Variants in CNTNAP2 observed in about 807,000 individuals in gnomAD.
CNTNAP2 encodes contactin associated protein 2.
CNTNAP2 carries 98 observed loss-of-function variants against 155.2 expected under a neutral mutation model. The observed-to-expected ratio is 0.63, with a 90% CI of 0.54 to 0.75. The LOEUF (loss-of-function observed/expected upper bound fraction) is 0.75. Ranked by LOEUF, CNTNAP2 falls within the 30% of genes least tolerant of loss-of-function variation. CNTNAP2 has a pLI of 0.00. For synonymous variants in CNTNAP2, 651 were observed against 631.2 expected (o/e 1.03, Z -0.47); for missense variants, 1,727 against 1,688.1 (o/e 1.02, Z -0.40).
intron 9 of CNTNAP2, among the ~76,000 whole-genome samples, chr7:147,354,544 T>C (rs1453891339): frequency 6.6e-6 from 1 of 152,164 alleles, no homozygotes; most frequent in Non-Finnish European, 1.5e-5. Flanking sequence ...TGTAGCCTTG[T>C]AGTGTAGTTT....
Position 148,224,416 on chromosome 7 carries a change from G to A in CNTNAP2, c.3248-5230G>A, listed in dbSNP as rs372538975. On this transcript the variant is annotated intron_variant, in intron 19 of 23. Transcript: ENST00000361727. ...AAAGGCCCTGAGGTAGGAGGAGATC[G>A]TATTTTCTAGGGAATAAGAGAAGTT... Among the ~76,000 whole-genome samples, 23 of 152,264 alleles carry A rather than the reference G, an allele frequency of 1.5e-4. No homozygotes were observed. The South Asian group carries it at 3.7e-3, about 25-fold the overall frequency.
intron 1 of CNTNAP2, among the ~76,000 whole-genome samples, chr7:146,178,572 C>T (rs1038076272): frequency 4.5e-4 from 68 of 152,226 alleles, no homozygotes; most frequent in African/African-American, 1.3e-3. Context: ...TAGTGACCTA[C>T]GCATCCTCCA....
intron 13 of CNTNAP2, among the ~76,000 whole-genome samples, chr7:147,872,982 G>A (rs977726359): frequency 6.6e-6 from 1 of 152,208 alleles, no homozygotes; most frequent in Non-Finnish European, 1.5e-5. Flanking sequence ...GCTGATCAAA[G>A]CCTAAATATG....
intron 14 of CNTNAP2, chr7:147,940,416 A>G (rs1339809482): frequency 6.6e-6 from 1 of 152,080 alleles, no homozygotes; most frequent in Non-Finnish European, 1.5e-5. Flanking sequence ...AAGCAGAGTA[A>G]AACTTACAGA....
chr7:146,753,492 G>C (rs546256484), intron 1 of CNTNAP2, among the ~76,000 whole-genome samples: 1 of 152,030 alleles, frequency 6.6e-6, no homozygotes, highest in South Asian at 2.1e-4. Context: ...ATATTAACAT[G>C]TGAGTCAATA....
chr7:147,587,543 C>A (rs1312442922), intron 12 of CNTNAP2, among the ~76,000 whole-genome samples: 1 of 152,084 alleles, frequency 6.6e-6, no homozygotes, highest in Non-Finnish European at 1.5e-5. Context: ...TAAAAATTAC[C>A]TAAACTCAAT....
chr7:146,496,783 AATGAG>A lies in CNTNAP2; in HGVS notation c.98-277487_98-277483del, dbSNP rs1797221698. ...AGATGATATTTGAGAATAACAGCCAAATGAGCATATTAGCCATTCAGGTATAACAA... is the reference window on the plus strand; with the variant it reads ...AGATGATATTTGAGAATAACAGCCAACATATTAGCCATTCAGGTATAACAA... On this transcript the variant is annotated intron_variant, in intron 1 of 23. Transcript: ENST00000361727. Among the ~76,000 whole-genome samples, 6 of 152,340 alleles carry A rather than the reference AATGAG, an allele frequency of 3.9e-5. No individual in the cohort carries two copies. In the South Asian group the frequency reaches 1.2e-3, roughly 32 times the overall value.
At chr7:146,541,067 A>AT (rs1302884245) in intron 1 of CNTNAP2, among the ~76,000 whole-genome samples, 1 of 151,798 alleles carries the variant, frequency 6.6e-6, no homozygotes, top group Non-Finnish European at 1.5e-5. Flanking sequence ...TTTTAGTCTC[A>AT]TTTTTTCAGA....
intron 1 of CNTNAP2, among the ~76,000 whole-genome samples, chr7:146,613,205 T>G (rs1799168856): frequency 6.6e-6 from 1 of 152,188 alleles, no homozygotes; most frequent in Non-Finnish European, 1.5e-5. Context: ...TGTCTGTAAT[T>G]TCTAGAGTCA....
intron 12 of CNTNAP2, among the ~76,000 whole-genome samples, chr7:147,585,415 TTATA>T (rs897864633): frequency 2.1e-4 from 32 of 149,520 alleles, no homozygotes; most frequent in African/African-American, 7.3e-4. Flanking sequence ...TGATATAAAA[TTATA>T]TATAAATATA....
chr7:148,116,172 C>T (rs1804466627), intron 15 of CNTNAP2, among the ~76,000 whole-genome samples: 1 of 151,634 alleles, frequency 6.6e-6, no homozygotes, highest in African/African-American at 2.4e-5. Context: ...TAAGACTGCA[C>T]TAAGATTAGG....
chr7:146,282,055 G>GA (rs1279121496), intron 1 of CNTNAP2, among the ~76,000 whole-genome samples: 3 of 152,078 alleles, frequency 2.0e-5, no homozygotes, highest in African/African-American at 7.2e-5. Context: ...AGAGGAGAAA[G>GA]AAAAAGTTTA....
At chr7:148,204,463 C>T (rs887583405) in intron 18 of CNTNAP2, among the ~76,000 whole-genome samples, 33 of 152,284 alleles carry the variant, frequency 2.2e-4, no homozygotes, top group African/African-American at 7.7e-4. Flanking sequence ...AATTTCAGAA[C>T]ACATATGGGA....
intron 8 of CNTNAP2, among the ~76,000 whole-genome samples, chr7:147,199,847 T>A (rs1006022750): frequency 5.4e-5 from 8 of 148,320 alleles, no homozygotes; most frequent in African/African-American, 9.9e-5. Context: ...AAAAAAAAAA[T>A]TTTGTTTCAT....
chr7:147,944,040 C>T (rs1171200625), intron 14 of CNTNAP2, among the ~76,000 whole-genome samples: 1 of 152,038 alleles, frequency 6.6e-6, no homozygotes, highest in Non-Finnish European at 1.5e-5. Context: ...TGAAATGATG[C>T]CATCCTCAAT....
chr7:146,954,424 C>G lies in CNTNAP2; in HGVS notation c.403-89483C>G, dbSNP rs192779225. On this transcript the variant is annotated intron_variant, in intron 3 of 23. Transcript: ENST00000361727. The stretch of plus-strand genomic sequence containing the variant: ...AAGTCTGTGCATATGTTTCAGTTCA[C>G]TGAAGGAAGCAATGAACTATAATGT... 2.3e-4 allele frequency among the ~76,000 whole-genome samples: 35 copies of G among 151,918 alleles called. No homozygotes were observed. The East Asian group carries it at 5.6e-3, about 24-fold the overall frequency.
chr7:147,774,852 T>A (rs1797533121), intron 13 of CNTNAP2, among the ~76,000 whole-genome samples: 1 of 152,122 alleles, frequency 6.6e-6, no homozygotes, highest in Admixed American at 6.6e-5. Context: ...TAATCTAACC[T>A]AAGTCTCTTA....
At chr7:146,577,173 C>T (rs1259881821) in intron 1 of CNTNAP2, among the ~76,000 whole-genome samples, 1 of 151,878 alleles carries the variant, frequency 6.6e-6, no homozygotes. Flanking sequence ...AATGCTTTTG[C>T]TAGTTAAAAA....
At chr7:146,883,849 C>A (rs1795602909) in intron 3 of CNTNAP2, among the ~76,000 whole-genome samples, 1 of 151,894 alleles carries the variant, frequency 6.6e-6, no homozygotes, top group African/African-American at 2.4e-5. Context: ...GTTTTTTTAA[C>A]ATCAAAGAGA....
Sources: allele counts gnomAD v4.1 joint callset (sites outside exome capture counted in the v4.1 genomes callset), GRCh38; gene constraint gnomAD v4.1.1; transcripts MANE v1.5; gene names NCBI Gene and HGNC (gene_info 2026-07-23, HGNC 2026-07-21).